The following RBFOX1 variants were observed in gnomAD, a reference collection of about 807,000 sequenced individuals.
RBFOX1 encodes RNA binding protein fox-1 homolog 1.
Under a neutral mutation model 57.7 loss-of-function variants are expected in RBFOX1, and 8 were observed. The ratio of observed to expected loss-of-function variants is 0.14; its 90% CI spans 0.08 to 0.25. The LOEUF (loss-of-function observed/expected upper bound fraction) is 0.25. RBFOX1 is among the 10% of genes least tolerant of loss of function. RBFOX1 has a pLI of 1.00. For synonymous variants in RBFOX1, 326 were observed against 222.4 expected, an observed-to-expected ratio of 1.47 and a Z score of -4.15; for missense variants, 611 against 548.5, an observed-to-expected ratio of 1.11 and a Z score of -1.14.
chr16:5,293,958 A>G (rs968361531), intron 1 of RBFOX1, among the ~76,000 whole-genome samples: 5 of 152,110 alleles, frequency 3.3e-5, no homozygotes, highest in African/African-American at 4.8e-5. Flanking sequence ...GCCAGGAGCA[A>G]TGGCTCATGC....
intron 1 of RBFOX1, among the ~76,000 whole-genome samples, chr16:5,342,868 G>A (rs757639751): frequency 5.1e-4 from 78 of 152,138 alleles, no homozygotes; most frequent in Non-Finnish European, 9.7e-4. Context: ...CTATTGTACA[G>A]CAGAGCCATG....
intron 3 of RBFOX1, among the ~76,000 whole-genome samples, chr16:7,005,528 G>A (rs1377645794): frequency 1.3e-5 from 2 of 152,204 alleles, no homozygotes; most frequent in Non-Finnish European, 2.9e-5. Context: ...ACAATGATAA[G>A]TGTTCTGTAA....
At chr16:6,592,339 T>C (rs2097722905) in intron 2 of RBFOX1, among the ~76,000 whole-genome samples, 1 of 152,240 alleles carries the variant, frequency 6.6e-6, no homozygotes, top group South Asian at 2.1e-4. Context: ...TTTCTTCTCC[T>C]TTCTCTTAGC....
intron 3 of RBFOX1, chr16:6,983,543 C>A (rs902747467): frequency 6.6e-6 from 1 of 151,898 alleles, no homozygotes; most frequent in South Asian, 2.1e-4. Context: ...GCACTCACTC[C>A]CCAGGGGTGG....
At chr16:6,312,995 A>C (rs2152767162) in intron 1 of RBFOX1, among the ~76,000 whole-genome samples, 1 of 152,264 alleles carries the variant, frequency 6.6e-6, no homozygotes, top group African/African-American at 2.4e-5. Flanking sequence ...CTATGAAGAA[A>C]GGGTGATGGG....
intron 4 of RBFOX1, among the ~76,000 whole-genome samples, chr16:7,081,364 G>A (rs911725737): frequency 1.3e-5 from 2 of 152,136 alleles, no homozygotes; most frequent in African/African-American, 4.8e-5. Flanking sequence ...TGCAGAACAT[G>A]GTAATAGTGT....
chr16:7,423,693 C>G (rs1222142921), intron 4 of RBFOX1, among the ~76,000 whole-genome samples: 1 of 152,160 alleles, frequency 6.6e-6, no homozygotes, highest in Admixed American at 6.5e-5. Flanking sequence ...GATTCGCTGA[C>G]CTGCCCAGAG....
intron 1 of RBFOX1, among the ~76,000 whole-genome samples, chr16:6,201,089 A>C (rs542920972): frequency 1.3e-5 from 2 of 152,210 alleles, no homozygotes; most frequent in South Asian, 4.2e-4. Context: ...ATTTCGCTTA[A>C]CATAATGTCC....
chr16:6,943,137 T>C (rs2078853382), intron 3 of RBFOX1, among the ~76,000 whole-genome samples: 1 of 152,178 alleles, frequency 6.6e-6, no homozygotes, highest in African/African-American at 2.4e-5. Flanking sequence ...GCTGCTGTAA[T>C]ACTGGCTTGC....
intron 14 of RBFOX1, among the ~76,000 whole-genome samples, chr16:7,690,961 G>A (rs765057050): frequency 2.6e-5 from 4 of 152,102 alleles, no homozygotes; most frequent in Admixed American, 2.6e-4. Flanking sequence ...GACATTTCCT[G>A]TTAATTGCAC....
chr16:6,305,555 T>C (rs1462150505), intron 1 of RBFOX1, among the ~76,000 whole-genome samples: 1 of 151,846 alleles, frequency 6.6e-6, no homozygotes, highest in African/African-American at 2.4e-5. Flanking sequence ...CCATCACTTT[T>C]ACCTGTGTCT....
chr16:6,080,915 A>G (rs2095991435), intron 1 of RBFOX1, among the ~76,000 whole-genome samples: 1 of 152,200 alleles, frequency 6.6e-6, no homozygotes, highest in South Asian at 2.1e-4. Context: ...GAGAAAATCA[A>G]AGACATAGTC....
chr16:6,842,028 A>C (rs1469309923), intron 3 of RBFOX1, among the ~76,000 whole-genome samples: 2 of 151,940 alleles, frequency 1.3e-5, no homozygotes, highest in Admixed American at 1.3e-4. Flanking sequence ...CTGTAGTCCC[A>C]GCTACACGGG....
intron 4 of RBFOX1, among the ~76,000 whole-genome samples, chr16:5,891,817 C>G (rs2058050391): frequency 1.3e-5 from 2 of 152,218 alleles, no homozygotes; most frequent in Admixed American, 1.3e-4. Context: ...TCAGCTGTTT[C>G]TCTGACCTTG....
intron 2 of RBFOX1, among the ~76,000 whole-genome samples, chr16:6,575,440 C>G (rs1249542089): frequency 6.6e-6 from 1 of 152,160 alleles, no homozygotes; most frequent in African/African-American, 2.4e-5. Flanking sequence ...TTGATACAAA[C>G]AAGAGTTAAG....
intron 4 of RBFOX1, among the ~76,000 whole-genome samples, chr16:7,358,090 T>C (rs1427149930): frequency 6.6e-6 from 1 of 152,228 alleles, no homozygotes; most frequent in Non-Finnish European, 1.5e-5. Flanking sequence ...CTTCGATAGG[T>C]AATTTACAAG....
intron 4 of RBFOX1, among the ~76,000 whole-genome samples, chr16:7,501,900 C>G (rs566473195): frequency 3.9e-5 from 6 of 152,278 alleles, no homozygotes; most frequent in East Asian, 3.9e-4. Context: ...TGGGCTATGT[C>G]TACCTTATTC....
chr16:6,392,555 T>C (rs1397859855), intron 2 of RBFOX1, among the ~76,000 whole-genome samples: 1 of 152,240 alleles, frequency 6.6e-6, no homozygotes. Flanking sequence ...CTATGCTTGC[T>C]GTAAGGTCAA....
intron 1 of RBFOX1, among the ~76,000 whole-genome samples, chr16:5,305,134 A>G (rs1287500910): frequency 2.0e-5 from 3 of 152,182 alleles, no homozygotes; most frequent in Non-Finnish European, 2.9e-5. Context: ...CTGAACGGGT[A>G]GCCTTACAGA....
Sources: allele counts gnomAD v4.1 joint callset (sites outside exome capture counted in the v4.1 genomes callset), GRCh38; gene constraint gnomAD v4.1.1; transcripts MANE v1.5; gene names NCBI Gene and HGNC (gene_info 2026-07-23, HGNC 2026-07-21).